Variants in HOXC4 observed in about 807,000 individuals in gnomAD.
HOXC4 encodes homeobox protein Hox-C4.
In HOXC4, 15 loss-of-function variants were observed where a neutral mutation model predicts 25.5. The observed-to-expected ratio is 0.59, with a 90% CI of 0.39 to 0.91. HOXC4 has a LOEUF of 0.91. Among genes scored for constraint, HOXC4 ranks in the 40% least tolerant of loss-of-function variants. The probability of loss-of-function intolerance (pLI) is 0.00; values close to 1 mark genes in which losing one functional copy is unlikely to be tolerated. For synonymous variants in HOXC4, 165 were observed against 148.0 expected (o/e 1.11, Z -0.83); for missense variants, 342 against 352.4 (o/e 0.97, Z 0.24).
Position 54,054,282 on chromosome 12 carries a change from A to G in HOXC4, c.360A>G (p.Pro120=). 2 of 1,316,964 alleles carry G rather than the reference A, an allele frequency of 1.5e-6. No homozygotes were observed. The highest frequency in any genetic ancestry group is 2.0e-6 in the Non-Finnish European group (2 of 979,178). The allele number at this position is 1,316,964 out of a possible 1,614,324, so 81.6% of individuals were successfully genotyped here. Residue 120 remains proline, a synonymous_variant, in exon 1 of 2, where the codon CCA becomes CCG. Coordinates refer to ENST00000430889, the MANE Select transcript of HOXC4 (RefSeq NM_153633.3). ...PSPAPPACSQ[P]APDHPSSAAS... ...CAGCCCCGCCAGCCTGCAGCCAGCCAGCCCCCGACCATCCCTCCAGCGCCG... is the reference window on the plus strand; with the variant it reads ...CAGCCCCGCCAGCCTGCAGCCAGCCGGCCCCCGACCATCCCTCCAGCGCCG...
In HOXC4 at chr12:54,031,241, T is replaced by C. The variant is rs370014834; in HGVS notation, c.-124+13827T>C. Among the ~76,000 whole-genome samples the C allele has an allele frequency of 7.9e-5, 12 of 151,804 alleles. No individual in the cohort carries two copies. In the East Asian group the frequency reaches 1.6e-3, roughly 20 times the overall value. On this transcript the variant is annotated intron_variant, in intron 1 of 3. Transcript: ENST00000303406. ...GGTCTCCTCCACCCACTCCCGGGAGTTGGAGGCGGGGGGCGCCGTGAGAGC... is the reference window on the plus strand; with the variant it reads ...GGTCTCCTCCACCCACTCCCGGGAGCTGGAGGCGGGGGGCGCCGTGAGAGC...
At chr12:54,032,955 G>A (rs1941042996) in intron 1 of HOXC4, 2 of 608,362 alleles carry the variant, frequency 3.3e-6, no homozygotes, top group Middle Eastern at 8.9e-4. Flanking sequence ...CGAGTCACGT[G>A]ACTCTATTTA....
At chr12:54,038,200 T>A (rs1168464648) in intron 1 of HOXC4, among the ~76,000 whole-genome samples, 1 of 152,154 alleles carries the variant, frequency 6.6e-6, no homozygotes, top group East Asian at 1.9e-4. Context: ...GGGGAGCTTG[T>A]CTACCCTGAG....
At chr12:54,049,755 C>T (rs1388547880), upstream of HOXC4, among the ~76,000 whole-genome samples, 4 of 73,904 alleles carry the variant, frequency 5.4e-5, no homozygotes, top group Admixed American at 1.8e-4. Flanking sequence ...CATACACACA[C>T]ACACACACAC....
At chr12:54,029,542 G>T (rs1232623126) in intron 1 of HOXC4, 16 of 1,117,802 alleles carry the variant, frequency 1.4e-5, no homozygotes, top group Non-Finnish European at 2.1e-5. Context: ...AGAGCCCTAA[G>T]GAGGCTGTGA....
chr12:54,024,050 A>G (rs1469707899), intron 1 of HOXC4, among the ~76,000 whole-genome samples: 2 of 152,226 alleles, frequency 1.3e-5, no homozygotes, highest in Admixed American at 1.3e-4. Context: ...CTAATCATAG[A>G]CCAATCGGGC....
chr12:54,032,981 G>C, intron 1 of HOXC4: 1 of 684,872 alleles, frequency 1.5e-6, no homozygotes, highest in Non-Finnish European at 2.4e-6. Flanking sequence ...CCCTTATTTG[G>C]GAAGAGCGCA....
At chr12:54,028,455 C>T in intron 1 of HOXC4, 4 of 1,526,816 alleles carry the variant, frequency 2.6e-6, no homozygotes, top group Non-Finnish European at 3.6e-6. Context: ...CATCTAGTTC[C>T]GAGTACAAAC....
chr12:54,032,918 A>C (rs527833041), intron 1 of HOXC4: 228 of 522,218 alleles, frequency 4.4e-4, no homozygotes, highest in African/African-American at 4.3e-3. Flanking sequence ...CCCGGAGGTC[A>C]TCAAGCCAAA....
At chr12:54,031,419 C>T (rs1208200580) in intron 1 of HOXC4, among the ~76,000 whole-genome samples, 1 of 152,210 alleles carries the variant, frequency 6.6e-6, no homozygotes, top group Non-Finnish European at 1.5e-5. Context: ...TGAGCTCTCG[C>T]CTGCTCTGGT....
At chr12:54,017,977 C>A (rs545349272) in intron 1 of HOXC4, among the ~76,000 whole-genome samples, 1 of 152,186 alleles carries the variant, frequency 6.6e-6, no homozygotes, top group Admixed American at 6.5e-5. Flanking sequence ...GCCGGGCCGC[C>A]GAGCAGGAAG....
At chr12:54,049,747 T>TACAC (rs10590659), upstream of HOXC4, among the ~76,000 whole-genome samples, 86 of 125,816 alleles carry the variant, frequency 6.8e-4, no homozygotes, top group Non-Finnish European at 9.7e-4. Context: ...GACAAACACA[T>TACAC]ACACACACAC....
chr12:54,053,177 G>A (rs1214924741), upstream of HOXC4: 1 of 152,344 alleles, frequency 6.6e-6, no homozygotes, highest in African/African-American at 2.4e-5. Context: ...TCAACCCCCA[G>A]ACCTCCAGAA....
At chr12:54,033,135 G>A in intron 1 of HOXC4, 1 of 1,607,650 alleles carries the variant, frequency 6.2e-7, no homozygotes, top group East Asian at 2.2e-5. Context: ...GAGCTCCTAC[G>A]TAGCCAATTC....
upstream of HOXC4, among the ~76,000 whole-genome samples, chr12:54,049,609 A>C (rs1349372615): frequency 1.3e-5 from 2 of 151,926 alleles, no homozygotes; most frequent in Non-Finnish European, 2.9e-5. Context: ...TTCTGGTGAC[A>C]CATCCAGGTT....
At position 54,053,872 on chromosome 12, in the gene HOXC4, G is replaced by A; in HGVS notation, c.-51G>A. The stretch of plus-strand genomic sequence containing the variant: ...TCGCTAGCTAGTAGGAGGGCTTTAT[G>A]GAGCAGAAAAACGACAAAGCGAGAA... On this transcript the variant is annotated 5_prime_UTR_variant, in exon 1 of 2. An upstream start codon of the reference 5' UTR is lost. Coordinates refer to ENST00000430889, the MANE Select transcript of HOXC4 (RefSeq NM_153633.3). The A allele has an allele frequency of 5.5e-6, 8 of 1,462,380 alleles. No individual in the cohort carries two copies. The highest frequency in any genetic ancestry group is 7.6e-6 in the Non-Finnish European group (8 of 1,056,254). The allele number at this position is 1,462,380 out of a possible 1,614,324, so 90.6% of individuals were successfully genotyped here. A position where few individuals can be genotyped will look rare whatever the true frequency, so the allele number is the denominator to read the frequency against.
intron 1 of HOXC4, chr12:54,047,801 A>G (rs1259750052): frequency 6.6e-6 from 1 of 152,318 alleles, no homozygotes; most frequent in Non-Finnish European, 1.5e-5. Flanking sequence ...CTCCCAGGCC[A>G]GACCCTGAAG....
chr12:54,033,507 G>A (rs1941073360), intron 1 of HOXC4: 1 of 1,586,416 alleles, frequency 6.3e-7, no homozygotes, highest in East Asian at 2.3e-5. Flanking sequence ...AGGGCAGCCC[G>A]CCGGACTGAG....
At chr12:54,029,569 G>A in intron 1 of HOXC4, 1 of 1,414,068 alleles carries the variant, frequency 7.1e-7, no homozygotes, top group African/African-American at 1.4e-5. Context: ...GGCCAGGTTG[G>A]GAGGGTCAGG....
Sources: allele counts gnomAD v4.1 joint callset (sites outside exome capture counted in the v4.1 genomes callset), GRCh38; gene constraint gnomAD v4.1.1; transcripts MANE v1.5; gene names NCBI Gene and HGNC (gene_info 2026-07-23, HGNC 2026-07-21).